Variants in RGS7BP observed in about 807,000 individuals in gnomAD.
RGS7BP encodes regulator of G protein signaling 7 binding protein.
RGS7BP carries 9 observed loss-of-function variants against 31.3 expected under a neutral mutation model. That is an observed-to-expected ratio of 0.29 (90% CI 0.17 to 0.50). RGS7BP has a LOEUF of 0.50. Ranked by LOEUF, RGS7BP falls within the 20% of genes least tolerant of loss-of-function variation. The probability of loss-of-function intolerance (pLI) is 0.98; values close to 1 mark genes in which losing one functional copy is unlikely to be tolerated. For synonymous variants in RGS7BP, 115 were observed against 120.1 expected (o/e 0.96, Z 0.28); for missense variants, 274 against 322.0 (o/e 0.85, Z 1.14).
chr5:64,590,236 G>GAA (rs1491167656), intron 3 of RGS7BP, among the ~76,000 whole-genome samples: 1 of 147,900 alleles, frequency 6.8e-6, no homozygotes, highest in African/African-American at 2.5e-5. Flanking sequence ...CACCAAGAGG[G>GAA]AGAGAGAGAG....
intron 3 of RGS7BP, among the ~76,000 whole-genome samples, chr5:64,585,977 T>G (rs1742739228): frequency 1.3e-5 from 2 of 152,150 alleles, no homozygotes; most frequent in African/African-American, 4.8e-5. Flanking sequence ...AAATGGATTT[T>G]TCAGGGGACA....
At chr5:64,563,313 G>C (rs753340514) in intron 2 of RGS7BP, among the ~76,000 whole-genome samples, 1 of 152,004 alleles carries the variant, frequency 6.6e-6, no homozygotes, top group South Asian at 2.1e-4. Context: ...GTTATGAATT[G>C]AATTGTATGT....
intron 2 of RGS7BP, among the ~76,000 whole-genome samples, chr5:64,549,855 T>C (rs1741747582): frequency 6.6e-6 from 1 of 152,212 alleles, no homozygotes; most frequent in South Asian, 2.1e-4. Context: ...TTCATCTCTC[T>C]TCTTTTACAT....
chr5:64,529,917 G>A (rs1356068815), intron 2 of RGS7BP, among the ~76,000 whole-genome samples: 2 of 152,150 alleles, frequency 1.3e-5, no homozygotes, highest in African/African-American at 2.4e-5. Context: ...GAACCTCCAC[G>A]GGCTGGACTT....
intron 3 of RGS7BP, among the ~76,000 whole-genome samples, chr5:64,592,521 C>G (rs1742946329): frequency 6.6e-6 from 1 of 152,022 alleles, no homozygotes; most frequent in Admixed American, 6.6e-5. Flanking sequence ...CAACTAGATC[C>G]CATTTATGGC....
chr5:64,574,150 C>A (rs1319238161), intron 2 of RGS7BP, among the ~76,000 whole-genome samples: 1 of 152,102 alleles, frequency 6.6e-6, no homozygotes, highest in African/African-American at 2.4e-5. Flanking sequence ...ATACAAGGAT[C>A]AATTTTTATT....
chr5:64,506,282 C>T lies in RGS7BP; in HGVS notation c.-343C>T, dbSNP rs1302325500. On this transcript the variant is annotated 5_prime_UTR_variant, in exon 1 of 6. Coordinates refer to ENST00000334025, the MANE Select transcript of RGS7BP (RefSeq NM_001029875.3). The surrounding 1 kb of genome is among the most constrained non-coding windows in gnomAD (Gnocchi z 4.6). ...ATGGAAACTCGGAACCGCCGGGCGG[C>T]GCGTTCCTTCTCGCCCAGCCTTGCA... 1.4e-5 allele frequency: 3 copies of T among 209,446 alleles called. No individual in the cohort carries two copies. Among genetic ancestry groups the T allele is most frequent in the African/African-American group, 2.3e-5 (1 of 43,648 alleles). The allele number at this position is 209,446 out of a possible 1,614,324, so 13.0% of individuals were successfully genotyped here.
intron 2 of RGS7BP, among the ~76,000 whole-genome samples, chr5:64,555,375 A>G (rs1466878721): frequency 6.6e-6 from 1 of 152,136 alleles, no homozygotes; most frequent in Non-Finnish European, 1.5e-5. Flanking sequence ...CTCAATGTGT[A>G]TTTGTTTTGT....
intron 3 of RGS7BP, among the ~76,000 whole-genome samples, chr5:64,582,381 A>G (rs1192188431): frequency 6.6e-6 from 1 of 152,178 alleles, no homozygotes; most frequent in African/African-American, 2.4e-5. Flanking sequence ...TTCTGAAAAG[A>G]GCAGAGATGA....
chr5:64,573,266 C>T (rs539821300), intron 2 of RGS7BP, among the ~76,000 whole-genome samples: 1 of 151,990 alleles, frequency 6.6e-6, no homozygotes, highest in South Asian at 2.1e-4. Context: ...CTCAGAAGCA[C>T]CTAATACATT....
intron 2 of RGS7BP, among the ~76,000 whole-genome samples, chr5:64,536,925 TA>T (rs1331710414): frequency 1.6e-4 from 24 of 152,358 alleles, no homozygotes; most frequent in African/African-American, 5.3e-4. Context: ...AAGGTAACTA[TA>T]AAAGACTGTG....
intron 2 of RGS7BP, among the ~76,000 whole-genome samples, chr5:64,538,516 TCC>T (rs1323622180): frequency 1.1e-4 from 15 of 139,910 alleles, no homozygotes; most frequent in African/African-American, 1.6e-4. Context: ...TTTTTTTTTT[TCC>T]TTTTCTTTTC....
chr5:64,544,141 A>G (rs528473634), intron 2 of RGS7BP, among the ~76,000 whole-genome samples: 1 of 152,320 alleles, frequency 6.6e-6, no homozygotes, highest in African/African-American at 2.4e-5. Flanking sequence ...TACTGAGCCA[A>G]TGTGTCAGGC....
At chr5:64,571,280 T>G (rs1441533041) in intron 2 of RGS7BP, among the ~76,000 whole-genome samples, 1 of 152,198 alleles carries the variant, frequency 6.6e-6, no homozygotes, top group Non-Finnish European at 1.5e-5. Flanking sequence ...TGTTGAGTAT[T>G]ATTCTATTGT....
At chr5:64,539,314 G>A (rs1479226585) in intron 2 of RGS7BP, among the ~76,000 whole-genome samples, 1 of 152,080 alleles carries the variant, frequency 6.6e-6, no homozygotes, top group African/African-American at 2.4e-5. Context: ...TTCCCAGTTT[G>A]AGATTTGTAT....
chr5:64,549,103 C>A (rs1293747192), intron 2 of RGS7BP, among the ~76,000 whole-genome samples: 1 of 152,132 alleles, frequency 6.6e-6, no homozygotes, highest in Non-Finnish European at 1.5e-5. Context: ...AAGGTCTCAT[C>A]TAAATAACAC....
chr5:64,513,014 C>T (rs1262018996), intron 2 of RGS7BP, among the ~76,000 whole-genome samples: 3 of 152,196 alleles, frequency 2.0e-5, no homozygotes, highest in Non-Finnish European at 2.9e-5. Context: ...CATTGAAGGA[C>T]TTCTGAATCT....
intron 2 of RGS7BP, among the ~76,000 whole-genome samples, chr5:64,550,826 C>A (rs1208623034): frequency 6.8e-6 from 1 of 147,976 alleles, no homozygotes; most frequent in Non-Finnish European, 1.5e-5. Flanking sequence ...TGAGAACATG[C>A]GGTGTTTGGT....
At chr5:64,595,435 A>C (rs1743038639) in intron 4 of RGS7BP, among the ~76,000 whole-genome samples, 1 of 152,120 alleles carries the variant, frequency 6.6e-6, no homozygotes, top group Admixed American at 6.6e-5. Flanking sequence ...AAGCAAGTTA[A>C]TGCATTTTCT....
Sources: gnomAD v4.1 joint callset for allele counts (sites outside exome capture counted in the v4.1 genomes callset) on GRCh38, gnomAD v4.1.1 for gene constraint, Gnocchi (gnomAD v3.1) non-coding constraint, MANE v1.5 for transcripts, NCBI Gene and HGNC (gene_info 2026-07-23, HGNC 2026-07-21) for gene names.